SPPL3: variants seen among roughly 807,000 people sequenced by gnomAD.
SPPL3 encodes the protein signal peptide peptidase-like 3.
A neutral mutation model predicts 42.4 loss-of-function variants in SPPL3; 5 were observed. The ratio of observed to expected loss-of-function variants is 0.12; its 90% CI spans 0.06 to 0.25. The LOEUF is 0.25. Among genes scored for constraint, SPPL3 ranks in the 10% least tolerant of loss-of-function variants. The pLI is 1.00. For synonymous variants in SPPL3, 195 were observed against 181.8 expected (o/e 1.07, Z -0.58); for missense variants, 235 against 489.0 (o/e 0.48, Z 4.90).
Position 120,779,966 on chromosome 12 carries a change from C to T in SPPL3, c.502+2689G>A, listed in dbSNP as rs1184567021. On this transcript the variant is annotated intron_variant, in intron 6 of 10. Coordinates refer to ENST00000353487, the MANE Select transcript of SPPL3 (RefSeq NM_139015.5). The stretch of plus-strand genomic sequence containing the variant: ...TGAGCTGAGATCGTGCCACTGCACT[C>T]CAGCCTGGGCAACAGAGTGAGACTC... 2.0e-5 allele frequency among the ~76,000 whole-genome samples: 3 copies of T among 150,752 alleles called. 1 individual carries two copies. Among genetic ancestry groups the T allele is most frequent in the African/African-American group, 7.3e-5 (3 of 40,976 alleles).
chr12:120,840,385 C>T (rs1314013168), intron 1 of SPPL3, among the ~76,000 whole-genome samples: 3 of 151,356 alleles, frequency 2.0e-5, no homozygotes, highest in Admixed American at 2.0e-4. Context: ...ACACAAAAGG[C>T]CATATATATT....
At chr12:120,817,533 T>C (rs1019113938) in intron 1 of SPPL3, among the ~76,000 whole-genome samples, 6 of 152,196 alleles carry the variant, frequency 3.9e-5, no homozygotes, top group Non-Finnish European at 8.8e-5. Flanking sequence ...TAGACATATA[T>C]GAAGGTAAGC....
At chr12:120,894,819 T>C (rs1032085348) in intron 1 of SPPL3, among the ~76,000 whole-genome samples, 1 of 152,108 alleles carries the variant, frequency 6.6e-6, no homozygotes, top group Non-Finnish European at 1.5e-5. Context: ...CGGTGGCGCA[T>C]GCCTGTAATA....
rs757089807 is a variant in SPPL3 at position 120,768,947 on chromosome 12, G to C, written c.609+6C>G. Reference sequence around the variant, plus strand: ...GGGGAGGAGCTCCAAGGACATAAACGCTTACCCAAAAGACATCATAGATGA... The same window carrying C: ...GGGGAGGAGCTCCAAGGACATAAACCCTTACCCAAAAGACATCATAGATGA... On this transcript the variant is annotated splice_donor_region_variant and intron_variant, in intron 7 of 10. Coordinates refer to ENST00000353487, the MANE Select transcript of SPPL3 (RefSeq NM_139015.5). 73 of 1,602,164 alleles carry C rather than the reference G, an allele frequency of 4.6e-5. No homozygotes were observed. In the East Asian group the frequency reaches 1.5e-3, roughly 32 times the overall value.
At chr12:120,838,059 G>C (rs1417545784) in intron 1 of SPPL3, among the ~76,000 whole-genome samples, 3 of 151,960 alleles carry the variant, frequency 2.0e-5, no homozygotes, top group African/African-American at 7.3e-5. Context: ...ATAAAACTCA[G>C]ACACAGTGAT....
At chr12:120,895,878 C>T (rs115502559) in intron 1 of SPPL3, among the ~76,000 whole-genome samples, 1 of 152,108 alleles carries the variant, frequency 6.6e-6, no homozygotes, top group Non-Finnish European at 1.5e-5. Context: ...TTTCCTGATT[C>T]GAAGAAACCG....
At chr12:120,855,772 T>C (rs890130648) in intron 1 of SPPL3, among the ~76,000 whole-genome samples, 1 of 152,128 alleles carries the variant, frequency 6.6e-6, no homozygotes, top group African/African-American at 2.4e-5. Context: ...AAAACAACCT[T>C]TTTGTTTCTC....
chr12:120,884,446 A>G (rs1479835991), intron 1 of SPPL3, among the ~76,000 whole-genome samples: 8 of 152,070 alleles, frequency 5.3e-5, no homozygotes. Context: ...GGGTAACATG[A>G]AATGTTACCA....
rs1378013586 is a variant in SPPL3 at position 120,791,573 on chromosome 12, T to C, written c.102-16A>G. ...ATTAAGGGACCTGTGGAAAAAAATT[T>C]TGTAGTTAAGTTGTAGTTTTGCTTA... On this transcript the variant is annotated splice_polypyrimidine_tract_variant and intron_variant, in intron 2 of 10. Coordinates refer to ENST00000353487, the MANE Select transcript of SPPL3 (RefSeq NM_139015.5). The C allele has an allele frequency of 1.3e-6, 2 of 1,570,646 alleles. No individual in the cohort carries two copies. Among genetic ancestry groups the C allele is most frequent in the African/African-American group, 1.4e-5 (1 of 73,182 alleles).
At chr12:120,791,437 G>T in intron 3 of SPPL3, 32 bp downstream of exon 3, 1 of 1,488,482 alleles carries the variant, frequency 6.7e-7, no homozygotes, top group Non-Finnish European at 9.2e-7. Flanking sequence ...AAAACTATAT[G>T]TACAGAAGTT....
rs1868776293 is a variant in SPPL3, at chr12:120,764,025, A to G, written c.*974T>C. On this transcript the variant is annotated 3_prime_UTR_variant, in exon 11 of 11. Transcript: ENST00000353487. ...ACACCCTGCGAGGGAGAAGCCTAGA[A>G]AAGAAAGAAAGGGCCAAAAGGTTTG... 6.6e-6 allele frequency: 1 copy of G among 152,610 alleles called. No individual in the cohort carries two copies. The highest frequency in any genetic ancestry group is 2.4e-5 in the African/African-American group (1 of 41,436). The allele number at this position is 152,610 out of a possible 1,614,324, so 9.5% of individuals were successfully genotyped here.
intron 1 of SPPL3, among the ~76,000 whole-genome samples, chr12:120,895,155 T>C (rs556003492): frequency 1.3e-5 from 2 of 150,924 alleles, no homozygotes; most frequent in South Asian, 4.2e-4. Context: ...AGGTCGGGCA[T>C]GGTGGCTCAC....
chr12:120,880,262 C>T (rs1348563037), intron 1 of SPPL3, among the ~76,000 whole-genome samples: 1 of 151,758 alleles, frequency 6.6e-6, no homozygotes, highest in Non-Finnish European at 1.5e-5. Flanking sequence ...TACTATTATA[C>T]AAAAATAGTC....
intron 1 of SPPL3, among the ~76,000 whole-genome samples, chr12:120,854,762 C>A (rs570281366): frequency 6.6e-6 from 1 of 152,156 alleles, no homozygotes; most frequent in Non-Finnish European, 1.5e-5. Flanking sequence ...CAAAGGTCAA[C>A]AAGAAGAAGC....
intron 1 of SPPL3, 131 bp from the exon 2 acceptor site, chr12:120,811,017 G>T: frequency 1.8e-6 from 1 of 555,334 alleles, no homozygotes; most frequent in Non-Finnish European, 3.1e-6. Flanking sequence ...GTATAAATTA[G>T]CATTAACAAA....
At chr12:120,890,147 G>C (rs1873589721) in intron 1 of SPPL3, among the ~76,000 whole-genome samples, 1 of 152,246 alleles carries the variant, frequency 6.6e-6, no homozygotes, top group African/African-American at 2.4e-5. Context: ...ATTGGGGAAA[G>C]CTGAGGCAGG....
chr12:120,787,631 C>T (rs547256456), intron 3 of SPPL3, among the ~76,000 whole-genome samples: 13 of 152,256 alleles, frequency 8.5e-5, no homozygotes, highest in African/African-American at 2.9e-4. Context: ...CCCCAGAAAT[C>T]TTCCTTTGTG....
At chr12:120,896,292 T>G (rs1176914420) in intron 1 of SPPL3, among the ~76,000 whole-genome samples, 3 of 152,222 alleles carry the variant, frequency 2.0e-5, no homozygotes, top group Non-Finnish European at 4.4e-5. Context: ...GCTGTGGCCC[T>G]AGTTTGACTT....
intron 1 of SPPL3, among the ~76,000 whole-genome samples, chr12:120,847,918 G>A (rs1190741228): frequency 6.6e-6 from 1 of 152,066 alleles, no homozygotes; most frequent in Non-Finnish European, 1.5e-5. Context: ...TTTAACTACC[G>A]AGAGAAAGGA....
Sources: allele counts gnomAD v4.1 joint callset (sites outside exome capture counted in the v4.1 genomes callset), GRCh38; gene constraint gnomAD v4.1.1; transcripts MANE v1.5; gene names NCBI Gene and HGNC (gene_info 2026-07-23, HGNC 2026-07-21).